MALRD1: variants seen among roughly 807,000 people sequenced by gnomAD.
MALRD1 encodes MAM and LDL-receptor class A domain-containing protein 1.
Under a neutral mutation model 242.1 loss-of-function variants are expected in MALRD1, and 247 were observed. The observed-to-expected ratio is 1.02, with a 90% CI of 0.92 to 1.13. The LOEUF is 1.13. Among genes scored for constraint, MALRD1 ranks in the 50% most tolerant of loss-of-function variants. The pLI is 0.00. For synonymous variants in MALRD1, 995 were observed against 866.6 expected, an observed-to-expected ratio of 1.15 and a Z score of -2.60; for missense variants, 2,989 against 2,533.1, an observed-to-expected ratio of 1.18 and a Z score of -3.86.
chr10:19,161,746 G>C (rs1455689369), intron 12 of MALRD1, among the ~76,000 whole-genome samples: 1 of 152,034 alleles, frequency 6.6e-6, no homozygotes, highest in Non-Finnish European at 1.5e-5. Flanking sequence ...AAACAACTGA[G>C]AGGCCAGGCG....
intron 26 of MALRD1, among the ~76,000 whole-genome samples, chr10:19,376,704 C>A (rs548307490): frequency 1.3e-5 from 2 of 151,838 alleles, no homozygotes; most frequent in East Asian, 3.9e-4. Flanking sequence ...TACAGGTGCC[C>A]AACACCACAC....
At chr10:19,129,722 T>G (rs1374675967) in intron 8 of MALRD1, among the ~76,000 whole-genome samples, 1 of 148,852 alleles carries the variant, frequency 6.7e-6, no homozygotes, top group African/African-American at 2.4e-5. Flanking sequence ...ATATTCATAA[T>G]AAATAATATA....
At chr10:19,200,129 A>G (rs1588688064) in intron 14 of MALRD1, among the ~76,000 whole-genome samples, 1 of 152,270 alleles carries the variant, frequency 6.6e-6, no homozygotes, top group African/African-American at 2.4e-5. Context: ...CTGTCTCAAA[A>G]AAGAATAATA....
intron 12 of MALRD1, among the ~76,000 whole-genome samples, chr10:19,156,314 T>C (rs1047029183): frequency 6.6e-6 from 1 of 151,758 alleles, no homozygotes; most frequent in Admixed American, 6.6e-5. Flanking sequence ...TTTTTTTTTT[T>C]CTTCCCATTT....
At chr10:19,587,359 T>A (rs762679796) in intron 33 of MALRD1, among the ~76,000 whole-genome samples, 1 of 152,222 alleles carries the variant, frequency 6.6e-6, no homozygotes, top group Non-Finnish European at 1.5e-5. Context: ...ACTGTCTATA[T>A]CACTGCGTAT....
At chr10:19,297,224 A>G (rs1012061658) in intron 21 of MALRD1, among the ~76,000 whole-genome samples, 1 of 151,564 alleles carries the variant, frequency 6.6e-6, no homozygotes, top group Non-Finnish European at 1.5e-5. Flanking sequence ...AGCATTATTA[A>G]TGATCTCATT....
chr10:19,530,414 TAATAATAA>T lies in MALRD1; in HGVS notation c.5321-778_5321-771del, dbSNP rs1564417373. Among the ~76,000 whole-genome samples the T allele has an allele frequency of 1.5e-3, 71 of 46,764 alleles. 3 individuals are homozygous for T. The highest frequency in any genetic ancestry group is 0.01 in the Middle Eastern group (1 of 100). The allele number at this position is 46,764 out of a possible 152,430, so 30.7% of individuals were successfully genotyped here. A position where few individuals can be genotyped will look rare whatever the true frequency, so the allele number is the denominator to read the frequency against. On this transcript the variant is annotated intron_variant, in intron 31 of 39. Coordinates refer to ENST00000454679, the MANE Select transcript of MALRD1 (RefSeq NM_001142308.3). ...TTTATATAAATATTATATATTTATA[TAATAATAA>T]ATATATAATATATATAATATATAAT...
At chr10:19,683,800 G>A (rs769102350) in intron 36 of MALRD1, among the ~76,000 whole-genome samples, 2 of 151,944 alleles carry the variant, frequency 1.3e-5, no homozygotes, top group Non-Finnish European at 2.9e-5. Context: ...TGGGATACAC[G>A]TGCAGAACGT....
chr10:19,172,172 C>T (rs1835040544), intron 13 of MALRD1, among the ~76,000 whole-genome samples: 1 of 144,536 alleles, frequency 6.9e-6, no homozygotes, highest in Admixed American at 7.0e-5. Flanking sequence ...CATATATACA[C>T]ATACATATAT....
intron 36 of MALRD1, among the ~76,000 whole-genome samples, chr10:19,666,319 T>A (rs929795782): frequency 6.6e-6 from 1 of 152,192 alleles, no homozygotes; most frequent in Non-Finnish European, 1.5e-5. Flanking sequence ...CTTTCAGATC[T>A]TTTCATTCTT....
chr10:19,291,275 T>A (rs1841410039), intron 21 of MALRD1: 1 of 152,188 alleles, frequency 6.6e-6, no homozygotes, highest in Non-Finnish European at 1.5e-5. Flanking sequence ...CTAACTCTGC[T>A]CATAGAACCC....
intron 28 of MALRD1, among the ~76,000 whole-genome samples, chr10:19,440,387 C>T (rs1357397958): frequency 1.3e-5 from 2 of 151,908 alleles, no homozygotes; most frequent in African/African-American, 4.8e-5. Context: ...GGTACATGTG[C>T]ACAACATACA....
intron 29 of MALRD1, among the ~76,000 whole-genome samples, chr10:19,467,694 G>A (rs1356535559): frequency 2.1e-5 from 1 of 48,360 alleles, no homozygotes; most frequent in Non-Finnish European, 4.4e-5. Flanking sequence ...GGCTTTTTTG[G>A]CTTTTTTTTG....
chr10:19,636,075 G>A (rs1007474766), intron 36 of MALRD1, among the ~76,000 whole-genome samples: 2 of 151,516 alleles, frequency 1.3e-5, no homozygotes, highest in Admixed American at 6.6e-5. Context: ...TAATTTTTTG[G>A]AAAATAAAAT....
intron 28 of MALRD1, among the ~76,000 whole-genome samples, chr10:19,392,961 A>C (rs916630904): frequency 5.3e-5 from 8 of 152,070 alleles, no homozygotes; most frequent in Admixed American, 4.6e-4. Context: ...AATCTCTGTT[A>C]CTCCACTCCT....
At chr10:19,123,858 T>G (rs1346664990) in intron 6 of MALRD1, among the ~76,000 whole-genome samples, 1 of 152,072 alleles carries the variant, frequency 6.6e-6, no homozygotes, top group Non-Finnish European at 1.5e-5. Context: ...AGTAAATAAT[T>G]TAAACTAACT....
At chr10:19,072,255 A>G (rs1835175653) in intron 2 of MALRD1, among the ~76,000 whole-genome samples, 1 of 152,144 alleles carries the variant, frequency 6.6e-6, no homozygotes, top group Admixed American at 6.6e-5. Context: ...AAGGGCTGAT[A>G]GCAAATATTT....
intron 4 of MALRD1, among the ~76,000 whole-genome samples, chr10:19,094,164 G>T (rs1264388946): frequency 9.3e-6 from 1 of 107,624 alleles, no homozygotes; most frequent in African/African-American, 3.8e-5. Context: ...AGCAAGCCTG[G>T]GCAATGGCGG....
At chr10:19,620,052 T>C (rs890048991) in intron 36 of MALRD1, among the ~76,000 whole-genome samples, 7 of 151,286 alleles carry the variant, frequency 4.6e-5, no homozygotes, top group Admixed American at 6.6e-5. Context: ...TTATATTTTG[T>C]GGCAGAAAAA....
Sources: allele counts gnomAD v4.1 joint callset (sites outside exome capture counted in the v4.1 genomes callset), GRCh38; gene constraint gnomAD v4.1.1; transcripts MANE v1.5; gene names NCBI Gene and HGNC (gene_info 2026-07-23, HGNC 2026-07-21).